SAMD4A: variants seen among roughly 807,000 people sequenced by gnomAD.
SAMD4A encodes the protein protein Smaug homolog 1.
In SAMD4A, 33 loss-of-function variants were observed where a neutral mutation model predicts 81.3. That is an observed-to-expected ratio of 0.41 (90% CI 0.31 to 0.54). The LOEUF (loss-of-function observed/expected upper bound fraction) is 0.54. Ranked by LOEUF, SAMD4A falls within the 20% of genes least tolerant of loss-of-function variation. SAMD4A has a pLI of 0.37. For synonymous variants in SAMD4A, 389 were observed against 382.1 expected, an observed-to-expected ratio of 1.02 and a Z score of -0.21; for missense variants, 854 against 951.1, an observed-to-expected ratio of 0.90 and a Z score of 1.34.
At chr14:54,733,229 A>C (rs2037602901) in intron 3 of SAMD4A, among the ~76,000 whole-genome samples, 1 of 152,192 alleles carries the variant, frequency 6.6e-6, no homozygotes, top group Non-Finnish European at 1.5e-5. Flanking sequence ...TCCATATTTC[A>C]ACTAGACTTA....
intron 2 of SAMD4A, among the ~76,000 whole-genome samples, chr14:54,633,484 G>A (rs181055361): frequency 6.6e-6 from 1 of 152,242 alleles, no homozygotes; most frequent in Admixed American, 6.5e-5. Context: ...CTGGATGTGG[G>A]GTCGTGAGTA....
chr14:54,599,995 A>G (rs752002061), intron 2 of SAMD4A, among the ~76,000 whole-genome samples: 29 of 152,184 alleles, frequency 1.9e-4, no homozygotes, highest in Non-Finnish European at 3.5e-4. Flanking sequence ...ATACACCCAG[A>G]TCATTAATCC....
intron 3 of SAMD4A, among the ~76,000 whole-genome samples, chr14:54,713,524 T>C (rs1566599441): frequency 6.6e-6 from 1 of 152,140 alleles, no homozygotes; most frequent in East Asian, 1.9e-4. Flanking sequence ...TACTCCAGGG[T>C]AGTCATTCCT....
In SAMD4A at chr14:54,605,883, G is replaced by A. The variant is rs998543869; in HGVS notation, c.196+37771G>A. On this transcript the variant is annotated intron_variant, in intron 2 of 12. Transcript: ENST00000554335. ...TACGGAATGATCACTTTCCATTACA[G>A]ACATTTTGAGGAACTCATATATTTA... Among the ~76,000 whole-genome samples the A allele has an allele frequency of 5.9e-4, 89 of 152,074 alleles. 1 individual carries two copies. The highest frequency in any genetic ancestry group is 2.1e-3 in the African/African-American group (86 of 41,486).
At chr14:54,608,015 CAAAAA>C (rs765121682) in intron 2 of SAMD4A, among the ~76,000 whole-genome samples, 1 of 60,710 alleles carries the variant, frequency 1.6e-5, no homozygotes. Context: ...GACTCCGTCT[CAAAAA>C]AAAAAAAAAA....
intron 11 of SAMD4A, among the ~76,000 whole-genome samples, chr14:54,777,643 A>T (rs955621889): frequency 6.6e-6 from 1 of 151,862 alleles, no homozygotes; most frequent in Non-Finnish European, 1.5e-5. Flanking sequence ...TTCCGAGTAG[A>T]AGTCAGGCAG....
intron 8 of SAMD4A, among the ~76,000 whole-genome samples, chr14:54,765,844 A>AT (rs1413916628): frequency 6.6e-6 from 1 of 151,982 alleles, no homozygotes; most frequent in Non-Finnish European, 1.5e-5. Context: ...CACACTTCAC[A>AT]TACAAGGGTA....
rs116475305 is a variant in SAMD4A at position 54,694,556 on chromosome 14, G to A, written c.197-7506G>A. 2,229 of 890,582 alleles carry A rather than the reference G, an allele frequency of 2.5e-3. 17 individuals carry two copies. Among genetic ancestry groups the A allele is most frequent in the African/African-American group, 0.025 (1,361 of 55,484 alleles). 55.2% of individuals were successfully genotyped at this position (890,582 alleles called of 1,614,324 possible). ...TGAGCATGGAGAGGGTGCAGTTGGA[G>A]TGTGAATCTGGGGCTCAGGGGAGAA... On this transcript the variant is annotated intron_variant, in intron 2 of 12. Coordinates refer to ENST00000554335, the MANE Select transcript of SAMD4A (RefSeq NM_015589.6).
At chr14:54,658,868 C>T (rs1003708917) in intron 2 of SAMD4A, among the ~76,000 whole-genome samples, 1 of 152,206 alleles carries the variant, frequency 6.6e-6, no homozygotes, top group Admixed American at 6.5e-5. Context: ...GCTGAGGATT[C>T]GAGCATGCCC....
chr14:54,687,390 CA>C (rs1287594581), intron 2 of SAMD4A: 5 of 456,264 alleles, frequency 1.1e-5, no homozygotes, highest in Non-Finnish European at 2.2e-5. Flanking sequence ...CTTGAAGAAT[CA>C]AAGTTGGCAT....
At chr14:54,690,631 T>A (rs12882902) in intron 2 of SAMD4A, among the ~76,000 whole-genome samples, 60,167 of 152,010 alleles carry the variant, frequency 0.4, 12,693 homozygotes, top group Non-Finnish European at 0.46. Context: ...AACTTTCCCT[T>A]TGGCTATCTC....
intron 2 of SAMD4A, among the ~76,000 whole-genome samples, chr14:54,678,703 C>T (rs947599587): frequency 6.6e-6 from 1 of 152,012 alleles, no homozygotes; most frequent in Admixed American, 6.5e-5. Context: ...CGCCCGCCAT[C>T]GCTTCCGGCT....
intron 3 of SAMD4A, among the ~76,000 whole-genome samples, chr14:54,713,437 G>C (rs1441783181): frequency 1.3e-5 from 2 of 152,150 alleles, no homozygotes; most frequent in Non-Finnish European, 2.9e-5. Flanking sequence ...AGGAAGCCAG[G>C]TGAGCAGGGG....
intron 2 of SAMD4A, among the ~76,000 whole-genome samples, chr14:54,578,927 T>C (rs10146770): frequency 0.055 from 8,444 of 152,178 alleles, 798 homozygotes; most frequent in African/African-American, 0.19. Flanking sequence ...GTGAATTGAA[T>C]CTTGCTTCTT....
chr14:54,651,136 G>A (rs770738885), intron 2 of SAMD4A, among the ~76,000 whole-genome samples: 1 of 152,168 alleles, frequency 6.6e-6, no homozygotes, highest in African/African-American at 2.4e-5. Context: ...GTCAGGAGGA[G>A]CTCAGATGAT....
chr14:54,618,948 C>A (rs1488662847), intron 2 of SAMD4A, among the ~76,000 whole-genome samples: 1 of 152,044 alleles, frequency 6.6e-6, no homozygotes, highest in Non-Finnish European at 1.5e-5. Context: ...ATAAAAAAGT[C>A]ATGTCTTTAA....
intron 2 of SAMD4A, among the ~76,000 whole-genome samples, chr14:54,571,575 CA>C (rs947998383): frequency 2.0e-5 from 3 of 152,044 alleles, no homozygotes; most frequent in African/African-American, 7.3e-5. Flanking sequence ...AGTTAATCCA[CA>C]AAAACGTAAC....
intron 2 of SAMD4A, among the ~76,000 whole-genome samples, chr14:54,600,027 C>T (rs564971274): frequency 2.0e-4 from 30 of 152,336 alleles, no homozygotes; most frequent in African/African-American, 7.2e-4. Context: ...CTACTCCAAA[C>T]CTTGTACCAC....
intron 3 of SAMD4A, among the ~76,000 whole-genome samples, chr14:54,705,215 C>A (rs984521277): frequency 6.6e-6 from 1 of 152,148 alleles, no homozygotes; most frequent in Non-Finnish European, 1.5e-5. Context: ...CTGGGAAAGA[C>A]GGTGAGGAGC....
Sources: allele counts gnomAD v4.1 joint callset (sites outside exome capture counted in the v4.1 genomes callset), GRCh38; gene constraint gnomAD v4.1.1; transcripts MANE v1.5; gene names NCBI Gene and HGNC (gene_info 2026-07-23, HGNC 2026-07-21).